PVT1: variants seen among roughly 807,000 people sequenced by gnomAD.
PVT1 encodes CXCR4/PVT1 fusion.
intron 3 of PVT1, among the ~76,000 whole-genome samples, chr8:127,974,067 C>T (rs1816794747): frequency 4.0e-5 from 6 of 151,854 alleles, no homozygotes; most frequent in Admixed American, 3.3e-4. Context: ...GAAGGGTGGG[C>T]ACTTAAATTA....
chr8:127,859,779 A>G (rs1050913482), intron 2 of PVT1, among the ~76,000 whole-genome samples: 4 of 151,964 alleles, frequency 2.6e-5, no homozygotes, highest in African/African-American at 7.3e-5. Context: ...CCTAGCCTCA[A>G]TCGCCTTATC....
chr8:128,003,518 G>T (rs1817210595), intron 4 of PVT1, among the ~76,000 whole-genome samples: 1 of 151,934 alleles, frequency 6.6e-6, no homozygotes, highest in Admixed American at 6.6e-5. Context: ...ACTAGTTTTT[G>T]TATTTTTTGT....
chr8:128,059,203 A>G (rs377177962), intron 4 of PVT1, among the ~76,000 whole-genome samples: 1 of 151,560 alleles, frequency 6.6e-6, no homozygotes, highest in East Asian at 1.9e-4. Flanking sequence ...TCATGTGAGA[A>G]CCCCCTTTGT....
chr8:127,945,473 A>C (rs1285366702), intron 3 of PVT1, among the ~76,000 whole-genome samples: 1 of 152,142 alleles, frequency 6.6e-6, no homozygotes, highest in Non-Finnish European at 1.5e-5. Flanking sequence ...GCTTTTTGCC[A>C]GTCTCATGGG....
chr8:128,042,890 A>T (rs1036859767), intron 4 of PVT1, among the ~76,000 whole-genome samples: 23 of 151,904 alleles, frequency 1.5e-4, no homozygotes, highest in African/African-American at 5.6e-4. Context: ...CAGCCTCCCA[A>T]GTAGCTGGGA....
intron 4 of PVT1, among the ~76,000 whole-genome samples, chr8:128,059,088 C>T (rs577139710): frequency 3.2e-4 from 48 of 152,222 alleles, no homozygotes; most frequent in African/African-American, 1.0e-3. Flanking sequence ...TGTTGTGTCC[C>T]GGTGGCCAGC....
rs78803521 is a variant in PVT1, at chr8:128,046,722, A to G, written n.913-23438A>G. Among the ~76,000 whole-genome samples, 776 of 152,276 alleles carry G rather than the reference A, an allele frequency of 5.1e-3. 6 individuals carry two copies. Among genetic ancestry groups the G allele is most frequent in the African/African-American group, 0.017 (721 of 41,552 alleles). On this transcript the variant is annotated intron_variant and non_coding_transcript_variant, in intron 4 of 10. Coordinates refer to ENST00000651587, the Ensembl canonical transcript of PVT1. ...CATGCCACACTGCTCTGTGAGTACC[A>G]TCTGAAGGTCCTCTCCCTTTTCTCT...
At chr8:127,865,679 T>C (rs1269826977) in intron 2 of PVT1, among the ~76,000 whole-genome samples, 1 of 152,170 alleles carries the variant, frequency 6.6e-6, no homozygotes, top group Non-Finnish European at 1.5e-5. Context: ...TAACACTCAG[T>C]GAGACCCACT....
chr8:127,990,692 T>C (rs1232625391), intron 4 of PVT1, among the ~76,000 whole-genome samples: 1 of 152,242 alleles, frequency 6.6e-6, no homozygotes, highest in Non-Finnish European at 1.5e-5. Flanking sequence ...CTTCATCTTT[T>C]GTATTGTGCC....
chr8:127,944,104 T>G (rs1563646259), intron 3 of PVT1, among the ~76,000 whole-genome samples: 1 of 152,326 alleles, frequency 6.6e-6, no homozygotes, highest in South Asian at 2.1e-4. Flanking sequence ...AGTTGACCAT[T>G]TATTTTTAAA....
chr8:128,013,567 GC>G lies in PVT1; in HGVS notation n.912+24278del, dbSNP rs746986972. Among the ~76,000 whole-genome samples the G allele has an allele frequency of 4.2e-4, 64 of 152,302 alleles. No homozygotes were observed. The South Asian group carries it at 5.0e-3, about 12-fold the overall frequency. ...AATGGACAAGAGAGACACAATCTCT[GC>G]CTCTTGAGCCATTTGAACTTTGAAG... On this transcript the variant is annotated intron_variant and non_coding_transcript_variant, in intron 4 of 10. Coordinates refer to ENST00000651587, the Ensembl canonical transcript of PVT1.
chr8:127,827,736 C>T (rs979242801), intron 2 of PVT1, among the ~76,000 whole-genome samples: 4 of 152,264 alleles, frequency 2.6e-5, no homozygotes, highest in Non-Finnish European at 5.9e-5. Context: ...GGATTCCCTG[C>T]ATGGCCCCAG....
intron 2 of PVT1, among the ~76,000 whole-genome samples, chr8:127,799,174 T>G (rs938890274): frequency 9.2e-5 from 14 of 152,096 alleles, no homozygotes; most frequent in African/African-American, 2.4e-5. Flanking sequence ...ATCTGCCTCT[T>G]TATTATCACT....
intron 5 of PVT1, among the ~76,000 whole-genome samples, chr8:128,095,275 G>A (rs1814412512): frequency 6.6e-6 from 1 of 152,262 alleles, no homozygotes; most frequent in Admixed American, 6.5e-5. Context: ...GAAAAGTGGG[G>A]GTGATGCTTT....
chr8:128,100,646 C>G (rs901729323), intron 6 of PVT1, among the ~76,000 whole-genome samples: 1 of 152,176 alleles, frequency 6.6e-6, no homozygotes, highest in Non-Finnish European at 1.5e-5. Context: ...CTGTTGAAAC[C>G]ACCTTTGCAA....
chr8:128,088,977 A>T (rs1380213716), intron 5 of PVT1, among the ~76,000 whole-genome samples: 2 of 152,212 alleles, frequency 1.3e-5, no homozygotes, highest in Non-Finnish European at 2.9e-5. Context: ...TGCTGTGCCA[A>T]CTTGTCCTCC....
At chr8:127,839,518 C>T (rs551439124) in intron 2 of PVT1, among the ~76,000 whole-genome samples, 1 of 147,298 alleles carries the variant, frequency 6.8e-6, no homozygotes, top group African/African-American at 2.5e-5. Context: ...CCACTGCACT[C>T]CAGCCTGGGT....
chr8:128,009,746 T>A (rs563302696), intron 4 of PVT1: 57 of 152,344 alleles, frequency 3.7e-4, no homozygotes, highest in African/African-American at 1.3e-3. Flanking sequence ...ACAGTCACCG[T>A]CTTCAGTGTT....
chr8:127,936,857 C>G (rs1369088731), intron 3 of PVT1, among the ~76,000 whole-genome samples: 1 of 152,234 alleles, frequency 6.6e-6, no homozygotes, highest in Non-Finnish European at 1.5e-5. Context: ...GCCACCTGTG[C>G]CACAGAATAA....
Sources: gnomAD v4.1 joint callset for allele counts (sites outside exome capture counted in the v4.1 genomes callset) on GRCh38, gnomAD v4.1.1 for gene constraint, MANE v1.5 for transcripts, NCBI Gene and HGNC (gene_info 2026-07-23, HGNC 2026-07-21) for gene names.